The following CHST3 variants were observed in gnomAD, a reference collection of about 807,000 sequenced individuals.
CHST3 encodes carbohydrate sulfotransferase 3.
A neutral mutation model predicts 35.4 loss-of-function variants in CHST3; 20 were observed. The ratio of observed to expected loss-of-function variants is 0.57; its 90% CI spans 0.40 to 0.82. CHST3 has a LOEUF of 0.82. CHST3 is among the 40% of genes least tolerant of loss of function. CHST3 has a pLI of 0.00. For missense variants in CHST3, 693 were observed against 670.1 expected, an observed-to-expected ratio of 1.03 and a Z score of -0.38; for synonymous variants, 334 against 295.9, an observed-to-expected ratio of 1.13 and a Z score of -1.32.
chr10:72,006,990 A>G (rs1411258508), intron 2 of CHST3, among the ~76,000 whole-genome samples, 182 bp from the exon 3 acceptor site: 2 of 152,196 alleles, frequency 1.3e-5, no homozygotes. Context: ...TTCCCCATCC[A>G]GTACTTCCTG....
rs1840112566 is a variant in CHST3, at chr10:72,011,743, CGTTCCAGGCCTTGGTGAG to C, written c.*3273_*3290del. 1 of 152,226 alleles carries C rather than the reference CGTTCCAGGCCTTGGTGAG, an allele frequency of 6.6e-6. No homozygotes were observed. The highest frequency in any genetic ancestry group is 2.4e-5 in the African/African-American group (1 of 41,454). 9.4% of individuals were successfully genotyped at this position (152,226 alleles called of 1,614,324 possible). ...CCCAGCATATAGAAATGGCTCAGAA[CGTTCCAGGCCTTGGTGAG>C]ACACAGCAGCGTCCAATGCTCACAG... is the stretch of plus-strand genomic sequence containing the variant. On this transcript the variant is annotated 3_prime_UTR_variant, in exon 3 of 3. Coordinates refer to ENST00000373115, the MANE Select transcript of CHST3 (RefSeq NM_004273.5).
chr10:72,008,578 C>T lies in CHST3; in HGVS notation c.*107C>T. 7.0e-7 allele frequency: 1 copy of T among 1,436,804 alleles called. No homozygotes were observed. The allele number at this position is 1,436,804 out of a possible 1,614,324, so 89.0% of individuals were successfully genotyped here. On this transcript the variant is annotated 3_prime_UTR_variant, in exon 3 of 3. Coordinates refer to ENST00000373115, the MANE Select transcript of CHST3 (RefSeq NM_004273.5). ...CAGCGCCATGAGCGGGCAGCGCCTC[C>T]TGTAGCAGTAGGGCCCCCAGCCAGC...
At chr10:71,988,239 A>G (rs1261676283) in intron 1 of CHST3, among the ~76,000 whole-genome samples, 1 of 152,254 alleles carries the variant, frequency 6.6e-6, no homozygotes, top group Non-Finnish European at 1.5e-5. Context: ...TCCAGGGCCC[A>G]GAAGATTCCT....
intron 1 of CHST3, among the ~76,000 whole-genome samples, chr10:71,978,672 G>A (rs2131743562): frequency 6.6e-6 from 1 of 152,308 alleles, no homozygotes; most frequent in Non-Finnish European, 1.5e-5. Context: ...TACTCTTTTT[G>A]CAGATAAGCC....
At position 71,980,065 on chromosome 10, in the gene CHST3, A is replaced by G. The variant is rs146986423; in HGVS notation, c.-108+15371A>G. Among the ~76,000 whole-genome samples the G allele has an allele frequency of 2.6e-5, 4 of 152,306 alleles. No homozygotes were observed. In the East Asian group the frequency reaches 7.7e-4, roughly 29 times the overall value. On this transcript the variant is annotated intron_variant, in intron 1 of 2. Coordinates refer to ENST00000373115, the MANE Select transcript of CHST3 (RefSeq NM_004273.5). ...GGGAAAGAGGGAATGGGGAACTTTC[A>G]GGCCATGGCCTTCAAAACCTCCCCA...
intron 1 of CHST3, among the ~76,000 whole-genome samples, chr10:71,981,659 C>G (rs1589499955): frequency 6.6e-6 from 1 of 152,304 alleles, no homozygotes; most frequent in East Asian, 1.9e-4. Flanking sequence ...ACGCCCATCC[C>G]AGGGCAGTGT....
intron 1 of CHST3, among the ~76,000 whole-genome samples, chr10:72,004,206 C>T (rs917091285): frequency 2.0e-5 from 3 of 152,126 alleles, no homozygotes; most frequent in African/African-American, 4.8e-5. Context: ...CTATTTCAGT[C>T]GAGGGTCATT....
chr10:72,008,081 G>A lies in CHST3; in HGVS notation c.1050G>A (p.Leu350=), dbSNP rs1306707141. ...GGGGCAACTGCGAGAGCATCCGCCT[G>A]TCCGCGGAGCTGGGGCTGCGGCAGC... ...RLRGNCESIR[L]SAELGLRQPA... The change falls in exon 3 of 3, where the codon CTG becomes CTA. Residue 350 remains leucine (L), a synonymous_variant. Coordinates refer to ENST00000373115, the MANE Select transcript of CHST3 (RefSeq NM_004273.5). The A allele has an allele frequency of 1.9e-6, 3 of 1,545,510 alleles. No individual in the cohort carries two copies. The highest frequency in any genetic ancestry group is 2.4e-5 in the East Asian group (1 of 40,846).
At position 72,007,851 on chromosome 10, in the gene CHST3, G is replaced by A; in HGVS notation, c.820G>A (p.Ala274Thr). The A allele has an allele frequency of 6.2e-7, 1 of 1,604,332 alleles. No individual in the cohort carries two copies. Among genetic ancestry groups the A allele is most frequent in the Non-Finnish European group, 8.5e-7 (1 of 1,178,106 alleles). Residue 274 changes from alanine (A) to threonine (T), a missense_variant, in exon 3 of 3, where the codon GCG (alanine) becomes ACG (threonine). Physicochemically the swap from Ala to Thr is moderately conservative, Grantham distance 58 (BLOSUM62 0). Transcript: ENST00000373115. ...CRRKEHMALK[A>T]VRIRQLEFLQ... Reference sequence around the variant, plus strand: ...CCGCAAGGAGCACATGGCCCTCAAGGCGGTGCGCATCCGGCAGCTGGAGTT... The same window carrying A: ...CCGCAAGGAGCACATGGCCCTCAAGACGGTGCGCATCCGGCAGCTGGAGTT...
chr10:71,980,917 T>G lies in CHST3; in HGVS notation c.-108+16223T>G, dbSNP rs1190100649. ...CACACTATTAATATAAAGTGTTGCA[T>G]GTAGAAAAGGCCTGCTAAGCAAAGG... On this transcript the variant is annotated intron_variant, in intron 1 of 2. Coordinates refer to ENST00000373115, the MANE Select transcript of CHST3 (RefSeq NM_004273.5). 2.6e-5 allele frequency among the ~76,000 whole-genome samples: 4 copies of G among 152,336 alleles called. No homozygotes were observed. In the East Asian group the frequency reaches 7.7e-4, roughly 29 times the overall value.
intron 1 of CHST3, among the ~76,000 whole-genome samples, chr10:72,000,818 A>G (rs1839985569): frequency 6.6e-6 from 1 of 151,818 alleles, no homozygotes; most frequent in Non-Finnish European, 1.5e-5. Context: ...GGCTGCCCAC[A>G]TGTGATCCCA....
At chr10:72,006,023 TG>T in intron 2 of CHST3, 41 bp downstream of exon 2, 2 of 1,366,808 alleles carry the variant, frequency 1.5e-6, no homozygotes, top group Non-Finnish European at 2.1e-6. Context: ...CCTTTCAAGG[TG>T]GGGTGGGTGG....
In CHST3 at chr10:72,012,892, G is replaced by C. The variant is rs730722; in HGVS notation, c.*4421G>C. 29,270 of 152,208 alleles carry C rather than the reference G, an allele frequency of 0.19. 3,511 individuals are homozygous for C. Among genetic ancestry groups the C allele is most frequent in the African/African-American group, 0.34 (14,106 of 41,472 alleles). The allele number at this position is 152,208 out of a possible 1,614,324, so 9.4% of individuals were successfully genotyped here. ...TACCTCAAAAGCACAAAGCAGAATTGGCAACTTCACTTGTCTCAAGAGCTC... is the reference window on the plus strand; with the variant it reads ...TACCTCAAAAGCACAAAGCAGAATTCGCAACTTCACTTGTCTCAAGAGCTC... On this transcript the variant is annotated 3_prime_UTR_variant, in exon 3 of 3. Coordinates refer to ENST00000373115, the MANE Select transcript of CHST3 (RefSeq NM_004273.5).
In CHST3 at chr10:71,997,957, C is replaced by T. The variant is rs1318239269; in HGVS notation, c.-107-7779C>T. Among the ~76,000 whole-genome samples the T allele has an allele frequency of 2.0e-5, 3 of 152,078 alleles. No homozygotes were observed. In the East Asian group the frequency reaches 5.8e-4, roughly 29 times the overall value. On this transcript the variant is annotated intron_variant, in intron 1 of 2. Transcript: ENST00000373115. ...CTGGGATTACAAGCATAAGCCACCACGCCCAGTCTCCATAAATGATTTAAG... is the reference window on the plus strand; with the variant it reads ...CTGGGATTACAAGCATAAGCCACCATGCCCAGTCTCCATAAATGATTTAAG...
intron 1 of CHST3, among the ~76,000 whole-genome samples, chr10:71,965,648 G>T (rs1422069776): frequency 6.6e-6 from 1 of 152,214 alleles, no homozygotes; most frequent in African/African-American, 2.4e-5. Context: ...ATGTACGGGG[G>T]ATTGTCCTGG....
chr10:71,989,692 T>C (rs930757090), intron 1 of CHST3, among the ~76,000 whole-genome samples: 3 of 152,226 alleles, frequency 2.0e-5, no homozygotes, highest in Non-Finnish European at 4.4e-5. Flanking sequence ...ATTTAAACAA[T>C]AGAAGAAAGT....
In CHST3 at chr10:71,973,145, CGTG is replaced by C. The variant is rs1839712172; in HGVS notation, c.-108+8455_-108+8457del. On this transcript the variant is annotated intron_variant, in intron 1 of 2. Coordinates refer to ENST00000373115, the MANE Select transcript of CHST3 (RefSeq NM_004273.5). Reference sequence around the variant, plus strand: ...CGAGTCTGGGGAGGGTGGCAGGAGTCGTGGTGAGCGGGAGGGGTGGCTAACGTG... The same window carrying C: ...CGAGTCTGGGGAGGGTGGCAGGAGTCGTGAGCGGGAGGGGTGGCTAACGTG... Among the ~76,000 whole-genome samples the C allele has an allele frequency of 2.6e-5, 4 of 152,212 alleles. No individual in the cohort carries two copies. The South Asian group carries it at 8.3e-4, about 32-fold the overall frequency.
Position 72,010,505 on chromosome 10 carries a change from G to T in CHST3, c.*2034G>T, listed in dbSNP as rs1840098746. ...AGGTGAGGCCAGTAACCATCTCATG[G>T]GATTCGCTATAATCAGCCTATTTGA... On this transcript the variant is annotated 3_prime_UTR_variant, in exon 3 of 3. Coordinates refer to ENST00000373115, the MANE Select transcript of CHST3 (RefSeq NM_004273.5). 6.6e-6 allele frequency: 1 copy of T among 152,170 alleles called. No individual in the cohort carries two copies. The highest frequency in any genetic ancestry group is 2.1e-4 in the South Asian group (1 of 4,818). 9.4% of individuals were successfully genotyped at this position (152,170 alleles called of 1,614,324 possible).
Position 72,008,806 on chromosome 10 carries a change from T to G in CHST3, c.*335T>G. On this transcript the variant is annotated 3_prime_UTR_variant, in exon 3 of 3. Transcript: ENST00000373115. ...GAGACCCTGCAGGCCAGAGTCCAAA[T>G]ATTTAACAATCAGAAGGGGCAAGGC... is the stretch of plus-strand genomic sequence containing the variant. 4.4e-6 allele frequency: 1 copy of G among 229,022 alleles called. No individual in the cohort carries two copies. Among genetic ancestry groups the G allele is most frequent in the African/African-American group, 2.3e-5 (1 of 44,038 alleles). The allele number at this position is 229,022 out of a possible 1,614,324, so 14.2% of individuals were successfully genotyped here.
Sources: gnomAD v4.1 joint callset for allele counts (sites outside exome capture counted in the v4.1 genomes callset) on GRCh38, gnomAD v4.1.1 for gene constraint, MANE v1.5 for transcripts, NCBI Gene and HGNC (gene_info 2026-07-23, HGNC 2026-07-21) for gene names.